Variants in ELFN1 observed in about 807,000 individuals in gnomAD.
The protein encoded by ELFN1 is protein ELFN1.
In ELFN1, 6 loss-of-function variants were observed where a neutral mutation model predicts 7.6. The observed-to-expected ratio is 0.79, with a 90% confidence interval of 0.43 to 1.56. The LOEUF is 1.56. Ranked by LOEUF, ELFN1 falls within the 40% of genes most tolerant of loss-of-function variation. ELFN1 has a pLI of 0.01. For synonymous variants in ELFN1, 657 were observed against 588.1 expected (o/e 1.12, Z -1.70); for missense variants, 1,169 against 1,232.2 (o/e 0.95, Z 0.77).
intron 2 of ELFN1, among the ~76,000 whole-genome samples, chr7:1,691,084 T>C (rs139302036): frequency 1.3e-5 from 2 of 152,236 alleles, no homozygotes; most frequent in African/African-American, 4.8e-5. Context: ...CAAATGGAGA[T>C]AATGAGGCCC....
intron 1 of ELFN1, among the ~76,000 whole-genome samples, chr7:1,683,993 T>A (rs998712751): frequency 3.9e-5 from 6 of 152,046 alleles, no homozygotes; most frequent in Non-Finnish European, 5.9e-5. Flanking sequence ...TACAAAAAAA[T>A]TTTTAAATTA....
Position 1,704,578 on chromosome 7 carries a change from G to A in ELFN1, c.-455-4513G>A, listed in dbSNP as rs146388845. On this transcript the variant is annotated intron_variant, in intron 2 of 3. Transcript: ENST00000424383. ...CCCACCCCAGGAGGCTCCACCTACA[G>A]CAGTACTAGGTGGGGGTCAGCTTGG... Among the ~76,000 whole-genome samples the A allele has an allele frequency of 7.2e-5, 11 of 152,176 alleles. No individual in the cohort carries two copies. In the East Asian group the frequency reaches 1.9e-3, roughly 27 times the overall value.
Position 1,744,514 on chromosome 7 carries a change from C to T in ELFN1, c.-83C>T, listed in dbSNP as rs1780718731. On this transcript the variant is annotated 5_prime_UTR_variant, in exon 4 of 4. Coordinates refer to ENST00000424383, the MANE Select transcript of ELFN1 (RefSeq NM_001128636.4). Reference sequence around the variant, plus strand: ...GCAGGCACCTCCCCCTCCCGCCCCTCCATCCCTCTGGGGGCTGGCGCCTGG... The same window carrying T: ...GCAGGCACCTCCCCCTCCCGCCCCTTCATCCCTCTGGGGGCTGGCGCCTGG... 1 of 1,395,550 alleles carries T rather than the reference C, an allele frequency of 7.2e-7. No homozygotes were observed. The highest frequency in any genetic ancestry group is 3.0e-5 in the Admixed American group (1 of 33,140). 86.4% of individuals were successfully genotyped at this position (1,395,550 alleles called of 1,614,324 possible). A position where few individuals can be genotyped will look rare whatever the true frequency, so the allele number is the denominator to read the frequency against.
intron 2 of ELFN1, 91 bp from the exon 3 acceptor site, chr7:1,709,000 C>G (rs1399781182): frequency 6.6e-6 from 1 of 152,224 alleles, no homozygotes. Flanking sequence ...CAGCTGGTGG[C>G]TCCGGCAGGT....
In ELFN1 at chr7:1,739,804, C is replaced by G. The variant is rs1780557620; in HGVS notation, c.-293-4500C>G. Among the ~76,000 whole-genome samples the G allele has an allele frequency of 6.6e-6, 1 of 152,006 alleles. No individual in the cohort carries two copies. The highest frequency in any genetic ancestry group is 2.1e-4 in the South Asian group (1 of 4,824). ...ACCGGTGGCCTTGGTGAGAGCGGCT[C>G]AGAGGGCCCGAGGGGGGACGCCCGG... is the stretch of plus-strand genomic sequence containing the variant. On this transcript the variant is annotated intron_variant, in intron 3 of 3. Transcript: ENST00000424383. This position sits in a 1 kb window ranked among gnomAD's most constrained non-coding sequence, Gnocchi z 4.6.
At chr7:1,715,707 C>T (rs891128365) in intron 3 of ELFN1, among the ~76,000 whole-genome samples, 2 of 152,210 alleles carry the variant, frequency 1.3e-5, no homozygotes, top group African/African-American at 4.8e-5. Context: ...CCTGTGACTC[C>T]TGTAACTTAA....
At chr7:1,732,489 A>C (rs1033234735) in intron 3 of ELFN1, among the ~76,000 whole-genome samples, 4 of 152,152 alleles carry the variant, frequency 2.6e-5, no homozygotes, top group African/African-American at 9.7e-5. Context: ...AATCAGCCCG[A>C]GGGAATAGAT....
chr7:1,736,228 G>C (rs183074237), intron 3 of ELFN1, among the ~76,000 whole-genome samples: 1 of 152,162 alleles, frequency 6.6e-6, no homozygotes, highest in Admixed American at 6.5e-5. Flanking sequence ...ACATTGGAAC[G>C]ATGAAAAGTT....
intron 1 of ELFN1, among the ~76,000 whole-genome samples, chr7:1,685,888 A>G (rs1043487736): frequency 8.8e-5 from 13 of 147,752 alleles, no homozygotes; most frequent in Admixed American, 1.4e-4. Flanking sequence ...AAAGATATTT[A>G]TATTATAGTT....
chr7:1,715,772 C>G (rs1229180287), intron 3 of ELFN1, among the ~76,000 whole-genome samples: 1 of 152,218 alleles, frequency 6.6e-6, no homozygotes, highest in Admixed American at 6.5e-5. Context: ...CTGGCCTCTC[C>G]CGCTGGGCAG....
chr7:1,707,386 A>G (rs1262279636), intron 2 of ELFN1, among the ~76,000 whole-genome samples: 1 of 152,238 alleles, frequency 6.6e-6, no homozygotes, highest in Non-Finnish European at 1.5e-5. Context: ...GGCACTCCAC[A>G]AGCATGCGTT....
intron 3 of ELFN1, among the ~76,000 whole-genome samples, chr7:1,736,509 T>C (rs568982776): frequency 9.5e-4 from 144 of 152,326 alleles, no homozygotes; most frequent in Admixed American, 2.2e-3. Flanking sequence ...AACCACCATA[T>C]TTCTTGATTT....
chr7:1,745,431 C>T lies in ELFN1; in HGVS notation c.835C>T (p.Pro279Ser). ...ACAGCCGGGCCGCTCCCCGCCGCCC[C>T]CGCCTCCGCCGGAGCCCAGTGACAT... ...RSQPGRSPPP[P>S]PPPEPSDMPC... The change falls in exon 4 of 4, where the codon CCG becomes TCG. Residue 279 changes from proline (P) to serine (S), a missense_variant. Physicochemically the swap from Pro to Ser is moderately conservative, Grantham distance 74. Coordinates refer to ENST00000424383, the MANE Select transcript of ELFN1 (RefSeq NM_001128636.4). The T allele has an allele frequency of 1.9e-6, 3 of 1,539,506 alleles. No homozygotes were observed. The highest frequency in any genetic ancestry group is 8.7e-7 in the Non-Finnish European group (1 of 1,146,248).
intron 3 of ELFN1, among the ~76,000 whole-genome samples, chr7:1,742,793 A>G (rs1010606769): frequency 6.6e-6 from 1 of 152,184 alleles, no homozygotes; most frequent in African/African-American, 2.4e-5. Context: ...CTTCTCCAGG[A>G]GCCGGAACAA....
chr7:1,746,601 T>G lies in ELFN1; in HGVS notation c.2005T>G (p.Tyr669Asp). Reference sequence around the variant, plus strand: ...CAAGGCCGCGGCCGCCGAGGCCAAGTACATCGAGAAGGGCTCCCCCGCGGC... The same window carrying G: ...CAAGGCCGCGGCCGCCGAGGCCAAGGACATCGAGAAGGGCTCCCCCGCGGC... The part of the protein sequence containing the change: ...VHKAAAAEAK[Y>D]IEKGSPAADA... Residue 669 changes from tyrosine to aspartate, a missense_variant, in exon 4 of 4, where the codon TAC (tyrosine) becomes GAC (aspartate). Around this residue, in one of 2 missense-constraint regions of ELFN1, gnomAD observed 914 missense variants for 872.6 expected, o/e 1.05. Coordinates refer to ENST00000424383, the MANE Select transcript of ELFN1 (RefSeq NM_001128636.4). 7.4e-7 allele frequency: 1 copy of G among 1,348,744 alleles called. No individual in the cohort carries two copies. The highest frequency in any genetic ancestry group is 9.5e-7 in the Non-Finnish European group (1 of 1,054,484). The allele number at this position is 1,348,744 out of a possible 1,614,324, so 83.5% of individuals were successfully genotyped here. A position where few individuals can be genotyped will look rare whatever the true frequency, so the allele number is the denominator to read the frequency against.
intron 1 of ELFN1, among the ~76,000 whole-genome samples, chr7:1,678,580 A>G (rs574045844): frequency 8.3e-4 from 126 of 152,166 alleles, no homozygotes; most frequent in African/African-American, 3.0e-3. Flanking sequence ...CCCACATTTT[A>G]CAGAAAGGTC....
At position 1,744,904 on chromosome 7, in the gene ELFN1, C is replaced by T. The variant is rs1168576453; in HGVS notation, c.308C>T (p.Ala103Val). 2 of 1,554,818 alleles carry T rather than the reference C, an allele frequency of 1.3e-6. No individual in the cohort carries two copies. The highest frequency in any genetic ancestry group is 8.7e-7 in the Non-Finnish European group (1 of 1,148,676). Residue 103 changes from alanine to valine, a missense_variant, in exon 4 of 4, where the codon GCC (alanine) becomes GTC (valine). Physicochemically the swap from Ala to Val is moderately conservative, Grantham distance 64. Coordinates refer to ENST00000424383, the MANE Select transcript of ELFN1 (RefSeq NM_001128636.4). ...KNEIGYIEDGAFSGQFNLQVL... is the reference protein window; with the variant it reads ...KNEIGYIEDGVFSGQFNLQVL... ...GAGATCGGCTACATCGAGGACGGCG[C>T]CTTCTCGGGCCAGTTCAACCTGCAG...
In ELFN1 at chr7:1,713,264, A is replaced by G. The variant is rs118158007; in HGVS notation, c.-294+4012A>G. ...GGAGACAGTGCATAAATGTTTGTTG[A>G]ATGAGTAGATGGGACGCTTCCCAGC... is the stretch of plus-strand genomic sequence containing the variant. On this transcript the variant is annotated intron_variant, in intron 3 of 3. Coordinates refer to ENST00000424383, the MANE Select transcript of ELFN1 (RefSeq NM_001128636.4). 8.5e-3 allele frequency among the ~76,000 whole-genome samples: 1,300 copies of G among 152,186 alleles called. 8 individuals carry two copies. The highest frequency in any genetic ancestry group is 0.012 in the Non-Finnish European group (848 of 67,988).
rs1660722278 is a variant in ELFN1 at position 1,744,321 on chromosome 7, G to A, written c.-276G>A. On this transcript the variant is annotated 5_prime_UTR_variant, in exon 4 of 4. Coordinates refer to ENST00000424383, the MANE Select transcript of ELFN1 (RefSeq NM_001128636.4). ...TCTTGCAGCAGGAACGTCGGAGCAG[G>A]AGGAGTCAGTGGAGCCATCAGGACA... 1 of 445,964 alleles carries A rather than the reference G, an allele frequency of 2.2e-6. No individual in the cohort carries two copies. Among genetic ancestry groups the A allele is most frequent in the Admixed American group, 4.3e-5 (1 of 23,474 alleles). 27.6% of individuals were successfully genotyped at this position (445,964 alleles called of 1,614,324 possible).
Sources: allele counts gnomAD v4.1 joint callset (sites outside exome capture counted in the v4.1 genomes callset), GRCh38; gene constraint gnomAD v4.1.1; regional missense constraint gnomAD v4.1.1; non-coding constraint Gnocchi (gnomAD v3.1); transcripts MANE v1.5; gene names NCBI Gene and HGNC (gene_info 2026-07-23, HGNC 2026-07-21).